IFNAR2: variants seen among roughly 807,000 people sequenced by gnomAD.
IFNAR2 encodes interferon alpha/beta receptor 2.
In IFNAR2, 30 loss-of-function variants were observed where a neutral mutation model predicts 49.4. The ratio of observed to expected loss-of-function variants is 0.61; its 90% CI spans 0.45 to 0.82. The LOEUF (loss-of-function observed/expected upper bound fraction) is 0.82, where lower values mean the gene tolerates loss of function less well. IFNAR2 is among the 40% of genes least tolerant of loss of function. IFNAR2 has a pLI of 0.00. For missense variants in IFNAR2, 600 were observed against 622.7 expected (o/e 0.96, Z 0.39); for synonymous variants, 224 against 234.5 (o/e 0.96, Z 0.41).
At chr21:33,247,472 A>G (rs978258347) in intron 5 of IFNAR2, among the ~76,000 whole-genome samples, 1 of 150,526 alleles carries the variant, frequency 6.6e-6, no homozygotes, top group African/African-American at 2.4e-5. Context: ...CTAGTCTCGA[A>G]CTCCTGACCT....
chr21:33,251,098 A>G (rs1454723632), intron 6 of IFNAR2, among the ~76,000 whole-genome samples: 1 of 152,220 alleles, frequency 6.6e-6, no homozygotes, highest in African/African-American at 2.4e-5. Context: ...CCCTAAGACC[A>G]GATGAGGTCA....
chr21:33,230,307 C>A lies in IFNAR2; in HGVS notation c.-84+91C>A. 1 of 1,001,070 alleles carries A rather than the reference C, an allele frequency of 1.0e-6. No homozygotes were observed. The highest frequency in any genetic ancestry group is 1.3e-6 in the Non-Finnish European group (1 of 794,124). The allele number at this position is 1,001,070 out of a possible 1,614,324, so 62.0% of individuals were successfully genotyped here. ...CCTCCCTGCAGCGGTTCCCGGAATC[C>A]CCTCCGGTTCCCTCTCGCTCTCCCC... On this transcript the variant is annotated intron_variant, in intron 1 of 8. Transcript: ENST00000342136. The surrounding 1 kb of genome is among the most constrained non-coding windows in gnomAD (Gnocchi z 5.5).
chr21:33,260,550 G>T, intron 7 of IFNAR2, 47 bp from the exon 8 acceptor site: 4 of 1,547,796 alleles, frequency 2.6e-6, no homozygotes, highest in East Asian at 4.7e-5. Context: ...ATCTGCAATT[G>T]TTTATTGCAT....
intron 1 of IFNAR2, chr21:33,232,863 C>A: frequency 2.9e-6 from 1 of 341,164 alleles, no homozygotes; most frequent in Non-Finnish European, 4.1e-6. Flanking sequence ...CGAGGTTTCA[C>A]TCTGCCATAT....
At chr21:33,232,927 A>AG (rs935164582) in intron 1 of IFNAR2, 4 of 980,708 alleles carry the variant, frequency 4.1e-6, no homozygotes, top group Admixed American at 6.1e-5. Context: ...AGAAATGGTA[A>AG]GGGGGAAAAA....
In IFNAR2 at chr21:33,230,398, C is replaced by A; in HGVS notation, c.-84+182C>A. The A allele has an allele frequency of 1.9e-6, 1 of 522,380 alleles. No individual in the cohort carries two copies. The highest frequency in any genetic ancestry group is 3.2e-6 in the Non-Finnish European group (1 of 311,302). 32.4% of individuals were successfully genotyped at this position (522,380 alleles called of 1,614,324 possible). On this transcript the variant is annotated intron_variant, in intron 1 of 8. Transcript: ENST00000342136. This position sits in a 1 kb window ranked among gnomAD's most constrained non-coding sequence, Gnocchi z 5.5. The stretch of plus-strand genomic sequence containing the variant: ...TATGCGGCTAGTGCGCCCTTCCTCT[C>A]TCCCGGGGCCGCACCTGCGACCCCA...
At chr21:33,261,662 C>CCCAGGAGTTTGAGA (rs1214212433) in intron 8 of IFNAR2, among the ~76,000 whole-genome samples, 7 of 152,060 alleles carry the variant, frequency 4.6e-5, no homozygotes, top group African/African-American at 1.7e-4. Context: ...ATCATTTGAG[C>CCCAGGAGTTTGAGA]CCAGGAGTTT....
intron 1 of IFNAR2, among the ~76,000 whole-genome samples, chr21:33,231,394 T>C (rs1986053831): frequency 6.6e-6 from 1 of 152,202 alleles, no homozygotes; most frequent in Admixed American, 6.5e-5. Context: ...TTTTAGATAA[T>C]CAAAAATGTA....
At chr21:33,245,127 T>G (rs1987301495) in intron 4 of IFNAR2, 53 bp downstream of exon 4, 1 of 1,299,786 alleles carries the variant, frequency 7.7e-7, no homozygotes, top group Non-Finnish European at 1.1e-6. Context: ...TTCTGTTATA[T>G]GGGGAGAGGT....
intron 6 of IFNAR2, chr21:33,251,462 C>A (rs1987830199): frequency 5.9e-6 from 4 of 682,388 alleles, no homozygotes; most frequent in African/African-American, 2.0e-5. Context: ...AAATTGGAGA[C>A]AGTGAAGAGA....
chr21:33,258,652 CAG>C (rs1357835819), intron 7 of IFNAR2, among the ~76,000 whole-genome samples: 2 of 152,178 alleles, frequency 1.3e-5, no homozygotes, highest in Admixed American at 6.5e-5. Context: ...GCAAACCTAT[CAG>C]GGGAAGGAGT....
In IFNAR2 at chr21:33,264,171, T is replaced by C. The variant is rs1456732615; in HGVS notation, c.*671T>C. On this transcript the variant is annotated 3_prime_UTR_variant, in exon 9 of 9. Coordinates refer to ENST00000342136, the MANE Select transcript of IFNAR2 (RefSeq NM_001289125.3). The stretch of plus-strand genomic sequence containing the variant: ...GCTGTGCCTGGCTGGCCCTGTGATA[T>C]TTCTGTGAAATAAATTGGGCCAGGG... 2 of 152,210 alleles carry C rather than the reference T, an allele frequency of 1.3e-5. No homozygotes were observed. Among genetic ancestry groups the C allele is most frequent in the African/African-American group, 2.4e-5 (1 of 41,432 alleles). The allele number at this position is 152,210 out of a possible 1,614,324, so 9.4% of individuals were successfully genotyped here. A position where few individuals can be genotyped will look rare whatever the true frequency, so the allele number is the denominator to read the frequency against.
chr21:33,261,728 T>C (rs982563261), intron 8 of IFNAR2, among the ~76,000 whole-genome samples: 1 of 151,900 alleles, frequency 6.6e-6, no homozygotes, highest in Non-Finnish European at 1.5e-5. Context: ...AAAAATAAAT[T>C]AGCCAGGCAT....
chr21:33,262,570 C>A, intron 8 of IFNAR2: 1 of 712,722 alleles, frequency 1.4e-6, no homozygotes, highest in South Asian at 1.5e-5. Flanking sequence ...GAGGCAAGGT[C>A]TCGCTAAGGG....
At chr21:33,231,575 C>A (rs2248202) in intron 1 of IFNAR2, 223,760 of 330,390 alleles carry the variant, frequency 0.68, 76,367 homozygotes, top group African/African-American at 0.8. Flanking sequence ...CTGTCATAGA[C>A]GTGAAACATT....
intron 7 of IFNAR2, 52 bp from the exon 8 acceptor site, chr21:33,260,545 C>T (rs1988493191): frequency 1.3e-6 from 2 of 1,526,000 alleles, no homozygotes; most frequent in East Asian, 4.9e-5. Context: ...TTTCCATCTG[C>T]AATTGTTTAT....
intron 1 of IFNAR2, among the ~76,000 whole-genome samples, chr21:33,238,205 C>T (rs1986626069): frequency 6.6e-6 from 1 of 152,180 alleles, no homozygotes; most frequent in South Asian, 2.1e-4. Context: ...ATAAAATCCC[C>T]AGCAAGCCTT....
intron 1 of IFNAR2, among the ~76,000 whole-genome samples, chr21:33,235,162 T>C (rs543462914): frequency 4.6e-5 from 7 of 152,328 alleles, no homozygotes; most frequent in African/African-American, 1.7e-4. Context: ...TGTCACCATC[T>C]TGGTTTTGGC....
In IFNAR2 at chr21:33,241,825, T is replaced by C. The variant is rs1986949244; in HGVS notation, c.-83-15T>C. 1.2e-5 allele frequency: 19 copies of C among 1,563,356 alleles called. No individual in the cohort carries two copies. The highest frequency in any genetic ancestry group is 1.6e-5 in the Non-Finnish European group (18 of 1,153,102). On this transcript the variant is annotated splice_polypyrimidine_tract_variant and intron_variant, in intron 1 of 8. Transcript: ENST00000342136. The stretch of plus-strand genomic sequence containing the variant: ...TCTCATTATCTTGTCTTTGCTCCCA[T>C]TTTTATATTTGCAGTTTAATTAGAC...
Sources: allele counts gnomAD v4.1 joint callset (sites outside exome capture counted in the v4.1 genomes callset), GRCh38; gene constraint gnomAD v4.1.1; non-coding constraint Gnocchi (gnomAD v3.1); transcripts MANE v1.5; gene names NCBI Gene and HGNC (gene_info 2026-07-23, HGNC 2026-07-21).